HS3ST5: variants seen among roughly 807,000 people sequenced by gnomAD.
HS3ST5 encodes the protein heparan sulfate-glucosamine 3-sulfotransferase 5, also known as heparan sulfate glucosamine 3-O-sulfotransferase 5.
In HS3ST5, 10 loss-of-function variants were observed where a neutral mutation model predicts 25.4. The observed-to-expected ratio is 0.39, with a 90% CI of 0.24 to 0.67. The LOEUF (loss-of-function observed/expected upper bound fraction) is 0.67. Among genes scored for constraint, HS3ST5 ranks in the 30% least tolerant of loss-of-function variants. The pLI, the probability that HS3ST5 is intolerant of heterozygous loss-of-function variation, is 0.44. For synonymous variants in HS3ST5, 170 were observed against 162.4 expected (o/e 1.05, Z -0.36); for missense variants, 324 against 420.7 (o/e 0.77, Z 2.01).
intron 1 of HS3ST5, among the ~76,000 whole-genome samples, chr6:114,335,574 C>G (rs554281471): frequency 6.6e-6 from 1 of 152,174 alleles, no homozygotes; most frequent in African/African-American, 2.4e-5. Flanking sequence ...GATACACATT[C>G]CAAAGAATCA....
intron 3 of HS3ST5, among the ~76,000 whole-genome samples, chr6:114,108,890 C>T (rs1477759140): frequency 6.6e-6 from 1 of 152,198 alleles, no homozygotes; most frequent in African/African-American, 2.4e-5. Flanking sequence ...TGGTCAAGCA[C>T]AGTGGCTCAC....
chr6:114,091,159 A>T (rs1775097044), intron 3 of HS3ST5, among the ~76,000 whole-genome samples: 1 of 152,206 alleles, frequency 6.6e-6, no homozygotes, highest in Non-Finnish European at 1.5e-5. Context: ...GTGCCTAATT[A>T]AGATTTTCTT....
intron 1 of HS3ST5, among the ~76,000 whole-genome samples, chr6:114,306,350 C>A (rs1443502947): frequency 6.7e-6 from 1 of 148,452 alleles, no homozygotes; most frequent in Non-Finnish European, 1.5e-5. Flanking sequence ...GTCTTCTCAT[C>A]CTTTATCTCT....
In HS3ST5 at chr6:114,320,696, C is replaced by A. The variant is rs571989726; in HGVS notation, c.-339+21499G>T. 6.6e-5 allele frequency among the ~76,000 whole-genome samples: 10 copies of A among 152,150 alleles called. No homozygotes were observed. In the South Asian group the frequency reaches 2.1e-3, roughly 32 times the overall value. ...GCCAGGTAGAGGTCCCAGTCCCTTA[C>A]ATCACCTTAACCAAACAGCTTTATT... On this transcript the variant is annotated intron_variant, in intron 1 of 4. Transcript: ENST00000312719.
At chr6:114,206,953 C>A (rs1781298811) in intron 2 of HS3ST5, among the ~76,000 whole-genome samples, 1 of 152,166 alleles carries the variant, frequency 6.6e-6, no homozygotes, top group Non-Finnish European at 1.5e-5. Flanking sequence ...CATCTTCAGT[C>A]TACTTGAGTC....
chr6:114,079,540 T>C (rs1774331854), intron 3 of HS3ST5, among the ~76,000 whole-genome samples: 1 of 152,202 alleles, frequency 6.6e-6, no homozygotes, highest in Admixed American at 6.5e-5. Context: ...ATGTCTGCAG[T>C]TACTTCCTCC....
chr6:114,248,559 C>G (rs1772494811), intron 1 of HS3ST5, among the ~76,000 whole-genome samples: 1 of 152,088 alleles, frequency 6.6e-6, no homozygotes, highest in African/African-American at 2.4e-5. Flanking sequence ...GTCATGGGCA[C>G]CAGGCTGCTG....
chr6:114,253,589 G>A (rs1297754207), intron 1 of HS3ST5, among the ~76,000 whole-genome samples: 2 of 152,234 alleles, frequency 1.3e-5, no homozygotes, highest in African/African-American at 2.4e-5. Context: ...GAGCAGAGGA[G>A]GCTGTGGGCT....
At chr6:114,288,479 G>A (rs1282281925) in intron 1 of HS3ST5, among the ~76,000 whole-genome samples, 1 of 152,038 alleles carries the variant, frequency 6.6e-6, no homozygotes, top group Non-Finnish European at 1.5e-5. Context: ...TAAATTATTT[G>A]CTATCTTTCC....
At chr6:114,192,026 G>A (rs1371179275) in intron 2 of HS3ST5, among the ~76,000 whole-genome samples, 1 of 152,038 alleles carries the variant, frequency 6.6e-6, no homozygotes, top group Non-Finnish European at 1.5e-5. Context: ...TTCTTCAAGA[G>A]AGAAAATATT....
At chr6:114,072,022 A>G (rs1016564923) in intron 3 of HS3ST5, among the ~76,000 whole-genome samples, 17 of 152,190 alleles carry the variant, frequency 1.1e-4, no homozygotes, top group African/African-American at 3.9e-4. Context: ...TCCTGCTCAA[A>G]GCTGCAGACT....
intron 2 of HS3ST5, among the ~76,000 whole-genome samples, chr6:114,223,327 T>C (rs1215817128): frequency 6.6e-6 from 1 of 151,782 alleles, no homozygotes; most frequent in Non-Finnish European, 1.5e-5. Context: ...AATTCAACTG[T>C]ATTCCATTTC....
chr6:114,243,298 G>A (rs1772226088), intron 1 of HS3ST5, among the ~76,000 whole-genome samples: 1 of 152,040 alleles, frequency 6.6e-6, no homozygotes, highest in African/African-American at 2.4e-5. Context: ...CCTAAATGAT[G>A]CAGAAGTGAA....
At position 114,231,760 on chromosome 6, in the gene HS3ST5, TAA is replaced by T. The variant is rs11333317; in HGVS notation, c.-338-2984_-338-2983del. Among the ~76,000 whole-genome samples the T allele has an allele frequency of 3.4e-3, 475 of 141,242 alleles. 2 individuals carry two copies. Among genetic ancestry groups the T allele is most frequent in the African/African-American group, 3.3e-3 (124 of 38,012 alleles). 92.7% of individuals were successfully genotyped at this position (141,242 alleles called of 152,430 possible). ...GAGGCTTTGGTTGCCCTATTCTATT[TAA>T]AAAAAAAAAAAAAAAAGCTCTGTTT... On this transcript the variant is annotated intron_variant, in intron 1 of 4. Transcript: ENST00000312719.
intron 1 of HS3ST5, among the ~76,000 whole-genome samples, chr6:114,301,672 GATCTCC>G (rs1160306304): frequency 6.6e-6 from 1 of 152,114 alleles, no homozygotes; most frequent in Non-Finnish European, 1.5e-5. Flanking sequence ...TCCTTGACCT[GATCTCC>G]ATTTCAGGGA....
intron 1 of HS3ST5, among the ~76,000 whole-genome samples, chr6:114,241,833 AAC>A (rs1772142409): frequency 6.6e-6 from 1 of 152,186 alleles, no homozygotes; most frequent in African/African-American, 2.4e-5. Context: ...AAGAGATGTA[AAC>A]ACAAAAATCT....
intron 3 of HS3ST5, among the ~76,000 whole-genome samples, chr6:114,153,928 GCA>G (rs1778578323): frequency 6.6e-6 from 1 of 152,210 alleles, no homozygotes; most frequent in Non-Finnish European, 1.5e-5. Context: ...CCCTTCAACT[GCA>G]CAGTGGTGAG....
At position 114,174,371 on chromosome 6, in the gene HS3ST5, G is replaced by C. The variant is rs138788617; in HGVS notation, c.-144-5909C>G. Reference sequence around the variant, plus strand: ...TTTACTGGCCTGTACCCCCACCAGAGTGTAAGCAGCATAAGGGCTAAGACA... The same window carrying C: ...TTTACTGGCCTGTACCCCCACCAGACTGTAAGCAGCATAAGGGCTAAGACA... On this transcript the variant is annotated intron_variant, in intron 2 of 4. Transcript: ENST00000312719. 2.3e-3 allele frequency among the ~76,000 whole-genome samples: 347 copies of C among 152,156 alleles called. 1 individual carries two copies. The highest frequency in any genetic ancestry group is 8.1e-3 in the African/African-American group (335 of 41,516).
At chr6:114,257,271 A>G (rs1194606173) in intron 1 of HS3ST5, among the ~76,000 whole-genome samples, 1 of 152,212 alleles carries the variant, frequency 6.6e-6, no homozygotes, top group East Asian at 1.9e-4. Context: ...CAGGTTTTTA[A>G]CGTAGAAAAA....
Sources: allele counts gnomAD v4.1 joint callset (sites outside exome capture counted in the v4.1 genomes callset), GRCh38; gene constraint gnomAD v4.1.1; transcripts MANE v1.5; gene names NCBI Gene and HGNC (gene_info 2026-07-23, HGNC 2026-07-21).